RBFOX1: variants seen among roughly 807,000 people sequenced by gnomAD.
RBFOX1 encodes the protein RNA binding protein fox-1 homolog 1.
In RBFOX1, 8 loss-of-function variants were observed where a neutral mutation model predicts 57.7. That is an observed-to-expected ratio of 0.14 (90% confidence interval 0.08 to 0.25). RBFOX1 has a LOEUF of 0.25. RBFOX1 is among the 10% of genes least tolerant of loss of function. The probability of loss-of-function intolerance (pLI) is 1.00; values close to 1 mark genes in which losing one functional copy is unlikely to be tolerated. For missense variants in RBFOX1, 611 were observed against 548.5 expected (o/e 1.11, Z -1.14); for synonymous variants, 326 against 222.4 (o/e 1.47, Z -4.15).
At chr16:6,775,295 A>C (rs1402621858) in intron 3 of RBFOX1, among the ~76,000 whole-genome samples, 1 of 139,516 alleles carries the variant, frequency 7.2e-6, no homozygotes, top group Non-Finnish European at 1.5e-5. Flanking sequence ...GCGCCACCGC[A>C]CTCCAGCCTG....
intron 1 of RBFOX1, among the ~76,000 whole-genome samples, chr16:5,458,761 T>C (rs2068705088): frequency 6.6e-6 from 1 of 152,228 alleles, no homozygotes; most frequent in Non-Finnish European, 1.5e-5. Context: ...AACCTATTCA[T>C]CTCTGCCTTC....
intron 4 of RBFOX1, among the ~76,000 whole-genome samples, chr16:7,093,276 T>A (rs2061162278): frequency 6.6e-6 from 1 of 152,210 alleles, no homozygotes; most frequent in South Asian, 2.1e-4. Context: ...CATTATATTA[T>A]CCCTTATCTT....
chr16:7,572,497 C>T (rs560548284), intron 5 of RBFOX1, among the ~76,000 whole-genome samples: 2 of 152,180 alleles, frequency 1.3e-5, no homozygotes, highest in South Asian at 4.2e-4. Flanking sequence ...GGGTGGAGGC[C>T]AGTGATGCTG....
At chr16:7,091,930 C>G (rs1011001765) in intron 4 of RBFOX1, among the ~76,000 whole-genome samples, 2 of 152,288 alleles carry the variant, frequency 1.3e-5, no homozygotes, top group East Asian at 1.9e-4. Flanking sequence ...TAAGGTCTTT[C>G]AGGACAGAAA....
chr16:7,400,050 T>C (rs1413778418), intron 4 of RBFOX1, among the ~76,000 whole-genome samples: 2 of 152,166 alleles, frequency 1.3e-5, no homozygotes, highest in Admixed American at 6.5e-5. Context: ...GATTTATTGA[T>C]GAGAAAATTG....
chr16:6,606,949 G>T (rs1430212615), intron 2 of RBFOX1, among the ~76,000 whole-genome samples: 2 of 152,182 alleles, frequency 1.3e-5, no homozygotes, highest in African/African-American at 4.8e-5. Context: ...TTTCACAATG[G>T]TTGAACAAAT....
intron 3 of RBFOX1, among the ~76,000 whole-genome samples, chr16:5,860,122 G>A (rs918365619): frequency 6.6e-5 from 10 of 152,034 alleles, no homozygotes; most frequent in East Asian, 1.9e-4. Context: ...TCACTCTGTC[G>A]CCCAGGCTGG....
intron 1 of RBFOX1, among the ~76,000 whole-genome samples, chr16:5,452,307 T>C (rs1258471128): frequency 6.6e-6 from 1 of 151,456 alleles, no homozygotes; most frequent in Non-Finnish European, 1.5e-5. Flanking sequence ...TTAGCAGAGA[T>C]AAGGTTTTCT....
At position 5,365,599 on chromosome 16, in the gene RBFOX1, G is replaced by A. The variant is rs56060168; in HGVS notation, c.220-101617G>A. 6.3e-3 allele frequency among the ~76,000 whole-genome samples: 966 copies of A among 152,294 alleles called. 10 individuals are homozygous for A. The highest frequency in any genetic ancestry group is 0.022 in the African/African-American group (917 of 41,556). On this transcript the variant is annotated intron_variant, in intron 1 of 2. Coordinates refer to the RBFOX1 transcript ENST00000585867. Reference sequence around the variant, plus strand: ...CAGGAGAATCGCTTGTACCCTGGAGGTGGAGGTTGCAGTGAGCCGATATCG... The same window carrying A: ...CAGGAGAATCGCTTGTACCCTGGAGATGGAGGTTGCAGTGAGCCGATATCG...
chr16:7,537,152 A>C (rs973031394), intron 5 of RBFOX1, among the ~76,000 whole-genome samples: 3 of 152,088 alleles, frequency 2.0e-5, no homozygotes, highest in Admixed American at 6.5e-5. Context: ...GAGAAAAGCA[A>C]TAATGGTGTT....
chr16:6,302,159 C>A (rs909811795), intron 1 of RBFOX1, among the ~76,000 whole-genome samples: 6 of 151,922 alleles, frequency 3.9e-5, no homozygotes, highest in Non-Finnish European at 8.8e-5. Context: ...AAGTATTGCC[C>A]AAAACACATT....
At chr16:7,232,461 A>G (rs549947608) in intron 4 of RBFOX1, among the ~76,000 whole-genome samples, 10 of 152,310 alleles carry the variant, frequency 6.6e-5, no homozygotes, top group South Asian at 2.1e-4. Context: ...TAGGTGCTCA[A>G]TAAATAGCCT....
chr16:6,295,041 C>T (rs919511169), intron 1 of RBFOX1, among the ~76,000 whole-genome samples: 1 of 151,100 alleles, frequency 6.6e-6, no homozygotes, highest in Non-Finnish European at 1.5e-5. Flanking sequence ...ACTATACTCT[C>T]TTTCTCCCAC....
intron 4 of RBFOX1, among the ~76,000 whole-genome samples, chr16:7,449,434 G>T (rs570315533): frequency 2.0e-5 from 3 of 152,118 alleles, no homozygotes; most frequent in Non-Finnish European, 4.4e-5. Context: ...GAAGAGGTTT[G>T]GCAGGAGTGA....
At chr16:6,257,422 C>T (rs10431957) in intron 1 of RBFOX1, among the ~76,000 whole-genome samples, 122,254 of 150,608 alleles carry the variant, frequency 0.81, 51,545 homozygotes, top group East Asian at 0.95. Context: ...TCTTCTTCTT[C>T]TTTTTTTTTA....
intron 1 of RBFOX1, among the ~76,000 whole-genome samples, chr16:5,454,057 C>A (rs2068507714): frequency 6.6e-6 from 1 of 152,142 alleles, no homozygotes; most frequent in African/African-American, 2.4e-5. Context: ...GAAGATGAGG[C>A]CAGAGAGGTG....
chr16:7,228,145 G>GT (rs2093269236), intron 4 of RBFOX1, among the ~76,000 whole-genome samples: 1 of 152,122 alleles, frequency 6.6e-6, no homozygotes, highest in Admixed American at 6.5e-5. Flanking sequence ...GTATCAGACT[G>GT]TAAGTTCCGC....
intron 3 of RBFOX1, among the ~76,000 whole-genome samples, chr16:5,699,942 T>C (rs1029352077): frequency 1.2e-4 from 18 of 152,198 alleles, no homozygotes; most frequent in African/African-American, 4.1e-4. Flanking sequence ...CACGCCATTC[T>C]CCTGCTCAGC....
At chr16:6,960,651 T>C (rs1195935725) in intron 3 of RBFOX1, among the ~76,000 whole-genome samples, 1 of 152,054 alleles carries the variant, frequency 6.6e-6, no homozygotes. Context: ...TCCTCTGTTC[T>C]GGAGACAGGA....
Sources: gnomAD v4.1 joint callset for allele counts (sites outside exome capture counted in the v4.1 genomes callset) on GRCh38, gnomAD v4.1.1 for gene constraint, MANE v1.5 for transcripts, NCBI Gene and HGNC (gene_info 2026-07-23, HGNC 2026-07-21) for gene names.